The following RABGAP1 variants were observed in gnomAD, a reference collection of about 807,000 sequenced individuals.
The protein encoded by RABGAP1 is rab GTPase-activating protein 1.
A neutral mutation model predicts 137.6 loss-of-function variants in RABGAP1; 23 were observed. The observed-to-expected ratio is 0.17, with a 90% CI of 0.12 to 0.24. The LOEUF is 0.24. RABGAP1 is among the 10% of genes least tolerant of loss of function. The pLI is 1.00. For missense variants in RABGAP1, 906 were observed against 1,275.8 expected, an observed-to-expected ratio of 0.71 and a Z score of 4.42; for synonymous variants, 451 against 450.7, an observed-to-expected ratio of 1.00 and a Z score of -0.01.
chr9:123,010,528 GGTAAACT>G lies in RABGAP1; in HGVS notation c.1549+4_1549+10del. 1 of 1,612,394 alleles carries G rather than the reference GGTAAACT, an allele frequency of 6.2e-7. No individual in the cohort carries two copies. The highest frequency in any genetic ancestry group is 8.5e-7 in the Non-Finnish European group (1 of 1,178,742). On this transcript the variant is annotated splice_donor_variant and splice_donor_5th_base_variant and intron_variant, in intron 11 of 25. Coordinates refer to ENST00000373647, the MANE Select transcript of RABGAP1 (RefSeq NM_012197.4). LOFTEE classifies it high-confidence loss of function. ...TCCTCCAGAAGATGATGAAGAGGAAGGTAAACTGTAGGGATAGCTTAATTTATTTTTG... is the reference window on the plus strand; with the variant it reads ...TCCTCCAGAAGATGATGAAGAGGAAGGTAGGGATAGCTTAATTTATTTTTG...
intron 12 of RABGAP1, 106 bp downstream of exon 12, chr9:123,015,742 G>A (rs1348058159): frequency 4.1e-5 from 26 of 638,348 alleles, no homozygotes; most frequent in South Asian, 4.5e-5. Flanking sequence ...AAACCTAAGC[G>A]CAATGTTTGC....
chr9:123,036,349 C>T (rs902769279), intron 13 of RABGAP1, among the ~76,000 whole-genome samples: 12 of 152,126 alleles, frequency 7.9e-5, no homozygotes, highest in African/African-American at 2.2e-4. Context: ...TAGAAGTAAT[C>T]GTGTAGTACT....
chr9:123,073,297 AT>A (rs962463849), intron 15 of RABGAP1, among the ~76,000 whole-genome samples: 1 of 152,184 alleles, frequency 6.6e-6, no homozygotes, highest in Non-Finnish European at 1.5e-5. Flanking sequence ...TATTACAGTT[AT>A]TTTAATACTG....
chr9:123,079,418 T>C (rs927366731), intron 19 of RABGAP1, among the ~76,000 whole-genome samples: 11 of 152,078 alleles, frequency 7.2e-5, no homozygotes, highest in African/African-American at 2.7e-4. Flanking sequence ...TTTGTATTTT[T>C]GGTAGAGACA....
At position 123,049,290 on chromosome 9, in the gene RABGAP1, T is replaced by TTTG. The variant is rs201223630; in HGVS notation, c.1795-16037_1795-16035dup. Among the ~76,000 whole-genome samples the TTTG allele has an allele frequency of 5.7e-3, 871 of 152,132 alleles. 8 individuals are homozygous for TTTG. Among genetic ancestry groups the TTTG allele is most frequent in the African/African-American group, 0.019 (797 of 41,484 alleles). The stretch of plus-strand genomic sequence containing the variant: ...TCAATGATTACAGCATATGGTGTTT[T>TTTG]TTGTTGTTGTTGTTGTTGTTGTTTT... On this transcript the variant is annotated intron_variant, in intron 13 of 25. Transcript: ENST00000373647.
At chr9:123,085,664 G>A (rs185768996) in intron 19 of RABGAP1, among the ~76,000 whole-genome samples, 17 of 152,200 alleles carry the variant, frequency 1.1e-4, no homozygotes, top group Admixed American at 1.0e-3. Flanking sequence ...CTTGCTTCCC[G>A]AATTCAATTA....
At chr9:123,087,819 C>A (rs991524786) in intron 19 of RABGAP1, among the ~76,000 whole-genome samples, 8 of 152,202 alleles carry the variant, frequency 5.3e-5, no homozygotes, top group Non-Finnish European at 8.8e-5. Context: ...CACTCTCCCA[C>A]TGAGAGCGTC....
chr9:122,942,586 C>G (rs941108632), intron 1 of RABGAP1, among the ~76,000 whole-genome samples: 1 of 146,624 alleles, frequency 6.8e-6, no homozygotes, highest in Non-Finnish European at 1.5e-5. Context: ...AACAGAATCG[C>G]TTGAACCCGG....
At chr9:123,086,421 CATA>C (rs1000358794) in intron 19 of RABGAP1, among the ~76,000 whole-genome samples, 1 of 152,166 alleles carries the variant, frequency 6.6e-6, no homozygotes, top group African/African-American at 2.4e-5. Flanking sequence ...AGAAGACATT[CATA>C]ATGTCATAGG....
intron 2 of RABGAP1, among the ~76,000 whole-genome samples, chr9:122,974,415 C>CTTTTTTTTTT (rs11331973): frequency 1.7e-4 from 10 of 58,218 alleles, no homozygotes; most frequent in East Asian, 6.0e-4. Flanking sequence ...ATGGCTTTGT[C>CTTTTTTTTTT]TTTTTTTTTT....
At chr9:123,091,348 C>T (rs909462736) in intron 21 of RABGAP1, among the ~76,000 whole-genome samples, 1 of 152,158 alleles carries the variant, frequency 6.6e-6, no homozygotes, top group Non-Finnish European at 1.5e-5. Flanking sequence ...CAGAAGCTTA[C>T]AAAAATTTTG....
chr9:123,022,524 A>G (rs2031704453), intron 13 of RABGAP1, among the ~76,000 whole-genome samples: 1 of 152,020 alleles, frequency 6.6e-6, no homozygotes, highest in Non-Finnish European at 1.5e-5. Context: ...CTCCTGCCGC[A>G]GCCCCCTGAG....
intron 21 of RABGAP1, among the ~76,000 whole-genome samples, chr9:123,093,014 T>G (rs941471066): frequency 6.6e-6 from 1 of 152,180 alleles, no homozygotes; most frequent in Non-Finnish European, 1.5e-5. Flanking sequence ...TCTCTGTAGT[T>G]TCTTCTGAAT....
intron 10 of RABGAP1, 150 bp downstream of exon 10, chr9:122,998,916 A>G (rs1204797345): frequency 4.1e-6 from 2 of 483,906 alleles, no homozygotes; most frequent in Non-Finnish European, 6.9e-6. Context: ...TTACCCACCT[A>G]CTTGTCATTT....
At chr9:123,071,570 T>C (rs1333288415) in intron 15 of RABGAP1, 1 of 152,238 alleles carries the variant, frequency 6.6e-6, no homozygotes, top group Non-Finnish European at 1.5e-5. Flanking sequence ...TTTAAGCACA[T>C]AATCACACAA....
the RABGAP1 span, among the ~76,000 whole-genome samples, chr9:122,935,419 C>A: frequency 6.6e-6 from 1 of 152,058 alleles, no homozygotes; most frequent in South Asian, 2.1e-4. Flanking sequence ...CTCACTGCAA[C>A]CTCTGCCTCC....
Position 123,015,568 on chromosome 9 carries a change from A to G in RABGAP1, c.1575A>G (p.Gly525=). 1 of 1,611,964 alleles carries G rather than the reference A, an allele frequency of 6.2e-7. No homozygotes were observed. The highest frequency in any genetic ancestry group is 8.5e-7 in the Non-Finnish European group (1 of 1,178,486). The part of the protein sequence containing the change: ...EEDNDEPLLS[G]SGDVSKECAE... The stretch of plus-strand genomic sequence containing the variant: ...ATAATGATGAACCTCTCCTGAGTGG[A>G]TCTGGTGATGTATCCAAAGAATGTG... The change falls in exon 12 of 26, where the codon GGA becomes GGG. Residue 525 remains glycine (G), a synonymous_variant. Coordinates refer to ENST00000373647, the MANE Select transcript of RABGAP1 (RefSeq NM_012197.4).
intron 1 of RABGAP1, among the ~76,000 whole-genome samples, chr9:122,949,693 CAAAA>C (rs60115483): frequency 3.6e-5 from 2 of 54,804 alleles, no homozygotes; most frequent in Non-Finnish European, 4.2e-5. Context: ...GACTCTGTCT[CAAAA>C]AAAAAAAAAA....
chr9:123,020,454 A>T lies in RABGAP1; in HGVS notation c.1789A>T (p.Thr597Ser). The stretch of plus-strand genomic sequence containing the variant: ...GGTAGAGAAATACCGCATTCTTATC[A>T]CAAAGGTAAGGGGGTGATAATTCAG... The part of the protein sequence containing the change: ...HLVEKYRILI[T>S]KESPQDSAIT... The change falls in exon 13 of 26, where the codon ACA (threonine) becomes TCA (serine). Residue 597 changes from threonine (T) to serine (S), a missense_variant. Coordinates refer to ENST00000373647, the MANE Select transcript of RABGAP1 (RefSeq NM_012197.4). The T allele has an allele frequency of 6.3e-7, 1 of 1,593,872 alleles. No homozygotes were observed. Among genetic ancestry groups the T allele is most frequent in the Non-Finnish European group, 8.6e-7 (1 of 1,169,386 alleles).
Sources: allele counts gnomAD v4.1 joint callset (sites outside exome capture counted in the v4.1 genomes callset), GRCh38; gene constraint gnomAD v4.1.1; transcripts MANE v1.5; gene names NCBI Gene and HGNC (gene_info 2026-07-23, HGNC 2026-07-21).